PGM1: variants seen among roughly 807,000 people sequenced by gnomAD.
The protein encoded by PGM1 is phosphoglucomutase 1.
A neutral mutation model predicts 55.6 loss-of-function variants in PGM1; 52 were observed. That is an observed-to-expected ratio of 0.94 (90% CI 0.75 to 1.18). The LOEUF is 1.18. Among genes scored for constraint, PGM1 ranks in the 50% most tolerant of loss-of-function variants. The pLI is 0.00. For synonymous variants in PGM1, 287 were observed against 271.7 expected (o/e 1.06, Z -0.55); for missense variants, 724 against 729.3 (o/e 0.99, Z 0.08).
intron 10 of PGM1, among the ~76,000 whole-genome samples, chr1:63,658,048 G>A (rs1263525670): frequency 6.6e-6 from 1 of 152,210 alleles, no homozygotes; most frequent in South Asian, 2.1e-4. Flanking sequence ...ACAATGCCCA[G>A]GTGTATCACC....
chr1:63,651,533 A>AT (rs941795869), intron 8 of PGM1, 136 bp from the exon 9 acceptor site: 99 of 763,950 alleles, frequency 1.3e-4, no homozygotes, highest in South Asian at 3.9e-4. Context: ...ACAGGCCTGT[A>AT]TTTTTTTTGC....
Position 63,633,930 on chromosome 1 carries a change from A to ATTTTTT in PGM1, c.683-898_683-897insTTTTTT, listed in dbSNP as rs200244789. Among the ~76,000 whole-genome samples, 108 of 71,306 alleles carry ATTTTTT rather than the reference A, an allele frequency of 1.5e-3. 5 individuals are homozygous for ATTTTTT. The highest frequency in any genetic ancestry group is 8.4e-3 in the African/African-American group (99 of 11,730). 46.8% of individuals were successfully genotyped at this position (71,306 alleles called of 152,430 possible). ...TGTGTGTGTGTGTGTATATATATAT[A>ATTTTTT]TATTTTTTTTTTTTTTTTTTTTTTT... is the stretch of plus-strand genomic sequence containing the variant. On this transcript the variant is annotated intron_variant, in intron 4 of 10. Transcript: ENST00000371084.
intron 6 of PGM1, 113 bp from the exon 7 acceptor site, chr1:63,638,572 T>C (rs554582464): frequency 6.4e-6 from 5 of 784,804 alleles, no homozygotes; most frequent in Non-Finnish European, 9.3e-6. Context: ...TGTATGACTC[T>C]GAGCAATGCT....
chr1:63,641,454 G>A (rs889809100), intron 7 of PGM1, among the ~76,000 whole-genome samples: 2 of 152,068 alleles, frequency 1.3e-5, no homozygotes, highest in Admixed American at 6.6e-5. Flanking sequence ...TAGCAACCAC[G>A]CCCCTTGCTA....
At chr1:63,595,816 T>TG (rs1363578904) in intron 1 of PGM1, among the ~76,000 whole-genome samples, 2 of 152,124 alleles carry the variant, frequency 1.3e-5, no homozygotes, top group Non-Finnish European at 2.9e-5. Flanking sequence ...GGGAGTAGTG[T>TG]GGGGTGGGAA....
intron 1 of PGM1, among the ~76,000 whole-genome samples, chr1:63,603,529 T>C (rs1648300366): frequency 6.6e-6 from 1 of 152,126 alleles, no homozygotes. Context: ...ATGTTCCACA[T>C]AAAAAATGAA....
At chr1:63,623,748 A>G (rs1177143207) in intron 1 of PGM1, 1 of 1,609,844 alleles carries the variant, frequency 6.2e-7, no homozygotes, top group East Asian at 2.2e-5. Context: ...TGCAGATGGC[A>G]GCTGCCAATG....
intron 1 of PGM1, chr1:63,623,332 C>T (rs1479705465): frequency 4.7e-6 from 7 of 1,498,252 alleles, no homozygotes; most frequent in South Asian, 2.8e-5. Context: ...TGAGAGTGAT[C>T]GTCCATGCAA....
chr1:63,638,685 G>T lies in PGM1; in HGVS notation c.1029G>T (p.Arg343=). The change falls in exon 7 of 11, where the codon CGG becomes CGT. Residue 343 remains arginine (R), a splice_region_variant and synonymous_variant. Transcript: ENST00000371084. ...TAACTTTGATTTCATGCCTTTGAAG[G>T]GTGGCTAGTGCTACAAAGATTGCTT... is the stretch of plus-strand genomic sequence containing the variant. ...RSMPTSGALD[R]VASATKIALY... is the part of the protein sequence containing the mutation. 1 of 1,607,324 alleles carries T rather than the reference G, an allele frequency of 6.2e-7. No individual in the cohort carries two copies. Among genetic ancestry groups the T allele is most frequent in the Non-Finnish European group, 8.5e-7 (1 of 1,173,840 alleles).
chr1:63,637,166 C>T (rs1359185012), intron 6 of PGM1, among the ~76,000 whole-genome samples: 2 of 152,308 alleles, frequency 1.3e-5, no homozygotes, highest in East Asian at 3.9e-4. Flanking sequence ...TATCTCTAGG[C>T]TCTTATAATA....
intron 1 of PGM1, among the ~76,000 whole-genome samples, chr1:63,606,660 G>A (rs1648427251): frequency 6.6e-6 from 1 of 152,220 alleles, no homozygotes; most frequent in Admixed American, 6.5e-5. Flanking sequence ...GGAGGGCTGT[G>A]AAATATCAGT....
intron 1 of PGM1, chr1:63,594,014 T>C: frequency 1.8e-6 from 2 of 1,128,990 alleles, no homozygotes; most frequent in South Asian, 3.8e-5. Flanking sequence ...CACGCCCGAC[T>C]CTCCGTCTCT....
At chr1:63,651,530 T>A in intron 8 of PGM1, 139 bp from the exon 9 acceptor site, 1 of 736,182 alleles carries the variant, frequency 1.4e-6, no homozygotes, top group Non-Finnish European at 2.4e-6. Flanking sequence ...CTGACAGGCC[T>A]GTATTTTTTT....
In PGM1 at chr1:63,648,569, C is replaced by G. The variant is rs1649717094; in HGVS notation, c.1197C>G (p.Leu399=). 1.2e-6 allele frequency: 2 copies of G among 1,614,010 alleles called. No individual in the cohort carries two copies. Among genetic ancestry groups the G allele is most frequent in the Non-Finnish European group, 1.7e-6 (2 of 1,179,982 alleles). Residue 399 remains leucine, a synonymous_variant, in exon 8 of 11, where the codon CTC becomes CTG. Transcript: ENST00000371084. The part of the protein sequence containing the change: ...KDGLWAVLAW[L]SILATRKQSV... ...GACTGTGGGCTGTCCTTGCCTGGCT[C>G]TCCATCCTAGCCACCCGCAAGCAGA... is the stretch of plus-strand genomic sequence containing the variant.
intron 1 of PGM1, among the ~76,000 whole-genome samples, chr1:63,602,769 T>C (rs1648281150): frequency 6.6e-6 from 1 of 152,050 alleles, no homozygotes; most frequent in Non-Finnish European, 1.5e-5. Context: ...TGGTGAAACT[T>C]CATGGTGATC....
intron 1 of PGM1, among the ~76,000 whole-genome samples, chr1:63,604,676 C>T (rs1274296736): frequency 1.3e-5 from 2 of 152,112 alleles, no homozygotes; most frequent in East Asian, 1.9e-4. Flanking sequence ...CATGGTCCAC[C>T]TCTTTGGCCA....
At chr1:63,633,920 A>G (rs1414251379) in intron 4 of PGM1, among the ~76,000 whole-genome samples, 39 of 40,292 alleles carry the variant, frequency 9.7e-4, no homozygotes, top group Admixed American at 2.1e-3. Context: ...GTGTGTGTGT[A>G]TATATATATA....
chr1:63,601,037 A>T (rs1648229534), intron 1 of PGM1, among the ~76,000 whole-genome samples: 1 of 152,156 alleles, frequency 6.6e-6, no homozygotes, highest in Non-Finnish European at 1.5e-5. Context: ...GTAAAAGACA[A>T]ATGAGCAACA....
intron 1 of PGM1, among the ~76,000 whole-genome samples, chr1:63,627,333 G>A (rs1435868844): frequency 6.6e-6 from 1 of 152,100 alleles, no homozygotes; most frequent in African/African-American, 2.4e-5. Flanking sequence ...AAACTAGATG[G>A]GTTTGAGTAG....
Sources: gnomAD v4.1 joint callset for allele counts (sites outside exome capture counted in the v4.1 genomes callset) on GRCh38, gnomAD v4.1.1 for gene constraint, MANE v1.5 for transcripts, NCBI Gene and HGNC (gene_info 2026-07-23, HGNC 2026-07-21) for gene names.